Variants in DPP10 observed in about 807,000 individuals in gnomAD.
DPP10 encodes inactive dipeptidyl peptidase 10.
A neutral mutation model predicts 120.9 loss-of-function variants in DPP10; 33 were observed. The observed-to-expected ratio is 0.27, with a 90% CI of 0.21 to 0.37. The LOEUF (loss-of-function observed/expected upper bound fraction) is 0.37. DPP10 is among the 10% of genes least tolerant of loss of function. The pLI, the probability that DPP10 is intolerant of heterozygous loss-of-function variation, is 1.00. For missense variants in DPP10, 816 were observed against 942.8 expected (o/e 0.87, Z 1.76); for synonymous variants, 337 against 326.1 (o/e 1.03, Z -0.36).
intron 3 of DPP10, among the ~76,000 whole-genome samples, chr2:115,455,867 G>GAAGAA (rs1174883133): frequency 6.6e-6 from 1 of 152,040 alleles, no homozygotes; most frequent in Non-Finnish European, 1.5e-5. Context: ...AAAAACCCTA[G>GAAGAA]AAGAAAACCT....
chr2:115,338,392 T>A (rs1051848405), intron 2 of DPP10, among the ~76,000 whole-genome samples: 1 of 152,106 alleles, frequency 6.6e-6, no homozygotes, highest in African/African-American at 2.4e-5. Context: ...TATTTCATAA[T>A]GGAAAAAAAG....
chr2:114,581,605 G>A (rs1573713003), intron 1 of DPP10, among the ~76,000 whole-genome samples: 1 of 152,122 alleles, frequency 6.6e-6, no homozygotes, highest in East Asian at 1.9e-4. Context: ...ATTCATGTTG[G>A]CATTTTTGTT....
At chr2:115,508,643 G>T (rs555921095) in intron 4 of DPP10, among the ~76,000 whole-genome samples, 1 of 152,136 alleles carries the variant, frequency 6.6e-6, no homozygotes, top group Admixed American at 6.6e-5. Flanking sequence ...AATGGCTCAC[G>T]CCTGTAATCC....
intron 1 of DPP10, among the ~76,000 whole-genome samples, chr2:115,238,018 A>G (rs963892068): frequency 4.6e-5 from 7 of 152,210 alleles, no homozygotes; most frequent in African/African-American, 1.7e-4. Context: ...CACACTAGAC[A>G]ACAAATTTTC....
chr2:115,183,547 A>T (rs1006453153), intron 1 of DPP10, among the ~76,000 whole-genome samples: 5 of 152,190 alleles, frequency 3.3e-5, no homozygotes, highest in African/African-American at 4.8e-5. Flanking sequence ...AATATGTGTG[A>T]ATTTGCATTT....
intron 5 of DPP10, among the ~76,000 whole-genome samples, chr2:115,538,388 T>C (rs1359233511): frequency 6.6e-6 from 1 of 152,026 alleles, no homozygotes; most frequent in African/African-American, 2.4e-5. Flanking sequence ...GTATTATTAA[T>C]ATTTTCATGT....
At chr2:115,810,712 G>A (rs1215013574) in intron 19 of DPP10, among the ~76,000 whole-genome samples, 2 of 152,058 alleles carry the variant, frequency 1.3e-5, no homozygotes, top group Non-Finnish European at 2.9e-5. Flanking sequence ...AAAACAGATG[G>A]AATTGTTCTT....
chr2:114,564,851 G>A lies in DPP10; in HGVS notation c.60+122013G>A, dbSNP rs141818382. Among the ~76,000 whole-genome samples the A allele has an allele frequency of 4.8e-3, 724 of 152,248 alleles. 7 individuals are homozygous for A. Among genetic ancestry groups the A allele is most frequent in the African/African-American group, 0.017 (695 of 41,552 alleles). ...TACTGCTCTCAGGCTGTGGTGCACTGTTTGTTTTGTTTTTGAAATTATAAT... is the reference window on the plus strand; with the variant it reads ...TACTGCTCTCAGGCTGTGGTGCACTATTTGTTTTGTTTTTGAAATTATAAT... On this transcript the variant is annotated intron_variant, in intron 1 of 25. Transcript: ENST00000410059.
chr2:115,079,634 A>C (rs1274987269), intron 1 of DPP10, among the ~76,000 whole-genome samples: 3 of 152,278 alleles, frequency 2.0e-5, no homozygotes, highest in Admixed American at 6.5e-5. Context: ...ATGGGACCAC[A>C]GGAAAAGCAG....
chr2:114,827,112 TG>T (rs1450475568), intron 1 of DPP10, among the ~76,000 whole-genome samples: 2 of 151,940 alleles, frequency 1.3e-5, no homozygotes, highest in Non-Finnish European at 2.9e-5. Context: ...GTGACCTGCT[TG>T]GGGGAGAAAA....
intron 7 of DPP10, among the ~76,000 whole-genome samples, chr2:115,724,566 A>G (rs898627789): frequency 6.6e-6 from 1 of 151,860 alleles, no homozygotes; most frequent in African/African-American, 2.4e-5. Flanking sequence ...GAATTATTTT[A>G]TGGGTAGAGT....
intron 1 of DPP10, among the ~76,000 whole-genome samples, chr2:114,857,670 G>A (rs1689479136): frequency 1.3e-5 from 2 of 152,148 alleles, no homozygotes; most frequent in African/African-American, 4.8e-5. Flanking sequence ...ACTAGTATTT[G>A]TGGTTACTTT....
intron 4 of DPP10, among the ~76,000 whole-genome samples, chr2:115,507,831 C>T (rs1335009005): frequency 1.3e-5 from 2 of 152,040 alleles, no homozygotes; most frequent in African/African-American, 4.8e-5. Flanking sequence ...ATTCTGAAGG[C>T]TATTGCAGTG....
intron 1 of DPP10, among the ~76,000 whole-genome samples, chr2:114,711,446 C>G (rs1237742648): frequency 6.6e-6 from 1 of 152,128 alleles, no homozygotes; most frequent in African/African-American, 2.4e-5. Context: ...ATGGGTGGCC[C>G]TTTAGGGTGT....
At position 115,493,868 on chromosome 2, in the gene DPP10, C is replaced by T. The variant is rs897418985; in HGVS notation, c.272-5642C>T. Among the ~76,000 whole-genome samples, 50 of 152,198 alleles carry T rather than the reference C, an allele frequency of 3.3e-4. No individual in the cohort carries two copies. The Middle Eastern group carries it at 0.01, about 31-fold the overall frequency. On this transcript the variant is annotated intron_variant, in intron 3 of 25. Coordinates refer to ENST00000410059, the MANE Select transcript of DPP10 (RefSeq NM_020868.6). ...TATGGAGAACAAGGTGGAAACCCCT[C>T]AGGCAAAAGGTTTATTGAGGCTTAC...
chr2:115,464,836 G>A (rs539920080), intron 3 of DPP10, among the ~76,000 whole-genome samples: 12 of 152,080 alleles, frequency 7.9e-5, no homozygotes, highest in South Asian at 4.2e-4. Context: ...ACCCTCCAAC[G>A]TGCAGAGACT....
chr2:114,825,282 A>G (rs1686430226), intron 1 of DPP10, among the ~76,000 whole-genome samples: 1 of 152,222 alleles, frequency 6.6e-6, no homozygotes, highest in Non-Finnish European at 1.5e-5. Flanking sequence ...GGAAAATGTC[A>G]TGAAAGAGGA....
intron 12 of DPP10, among the ~76,000 whole-genome samples, chr2:115,767,668 A>T (rs1575724246): frequency 6.6e-6 from 1 of 152,042 alleles, no homozygotes; most frequent in South Asian, 2.1e-4. Flanking sequence ...ATTAAAAATT[A>T]TCAAATGGGG....
At chr2:114,518,155 G>A (rs1398188432) in intron 1 of DPP10, among the ~76,000 whole-genome samples, 1 of 128,832 alleles carries the variant, frequency 7.8e-6, no homozygotes, top group Non-Finnish European at 1.5e-5. Flanking sequence ...TCAGTTTACT[G>A]CAACCTCTGC....
Sources: allele counts gnomAD v4.1 joint callset (sites outside exome capture counted in the v4.1 genomes callset), GRCh38; gene constraint gnomAD v4.1.1; transcripts MANE v1.5; gene names NCBI Gene and HGNC (gene_info 2026-07-23, HGNC 2026-07-21).